Variants in ADAMTS17 observed in about 807,000 individuals in gnomAD.
ADAMTS17 encodes the protein A disintegrin and metalloproteinase with thrombospondin motifs 17.
In ADAMTS17, 113 loss-of-function variants were observed where a neutral mutation model predicts 141.5. The observed-to-expected ratio is 0.80, with a 90% confidence interval of 0.69 to 0.93. The LOEUF (loss-of-function observed/expected upper bound fraction) is 0.93, where lower values mean the gene tolerates loss of function less well. Among genes scored for constraint, ADAMTS17 ranks in the 40% least tolerant of loss-of-function variants. The pLI, the probability that ADAMTS17 is intolerant of heterozygous loss-of-function variation, is 0.00. For missense variants in ADAMTS17, 1,659 were observed against 1,517.9 expected (o/e 1.09, Z -1.54); for synonymous variants, 768 against 630.6 (o/e 1.22, Z -3.27).
intron 8 of ADAMTS17, among the ~76,000 whole-genome samples, chr15:100,166,296 C>G (rs904082885): frequency 4.6e-5 from 7 of 152,216 alleles, no homozygotes; most frequent in Admixed American, 6.5e-5. Flanking sequence ...TGATGAACAT[C>G]TACTGCTTCC....
intron 2 of ADAMTS17, among the ~76,000 whole-genome samples, chr15:100,333,543 C>T (rs1245938640): frequency 6.6e-6 from 1 of 152,218 alleles, no homozygotes; most frequent in Non-Finnish European, 1.5e-5. Flanking sequence ...TAGCTTTTCA[C>T]TGGGTGCTGG....
rs555175853 is a variant in ADAMTS17, at chr15:100,140,398, C to T, written c.1474-7083G>A. Among the ~76,000 whole-genome samples, 258 of 151,586 alleles carry T rather than the reference C, an allele frequency of 1.7e-3. 1 individual carries two copies. Among genetic ancestry groups the T allele is most frequent in the African/African-American group, 6.1e-3 (250 of 41,308 alleles). On this transcript the variant is annotated intron_variant, in intron 10 of 21. Transcript: ENST00000268070. Reference sequence around the variant, plus strand: ...CTTACAACAAAAAGTTAAAAAATAACACAATTTTTTAAAAATGACGGGACA... The same window carrying T: ...CTTACAACAAAAAGTTAAAAAATAATACAATTTTTTAAAAATGACGGGACA...
intron 10 of ADAMTS17, among the ~76,000 whole-genome samples, chr15:100,134,301 C>T (rs1267751003): frequency 6.6e-6 from 1 of 152,246 alleles, no homozygotes; most frequent in Non-Finnish European, 1.5e-5. Flanking sequence ...CACCCCCTCA[C>T]AGTGCTTCCT....
chr15:100,020,964 T>C (rs950204884), intron 18 of ADAMTS17, among the ~76,000 whole-genome samples: 17 of 152,178 alleles, frequency 1.1e-4, no homozygotes, highest in African/African-American at 3.9e-4. Context: ...AGCTTCGCTG[T>C]TCTCCCCTCC....
intron 18 of ADAMTS17, among the ~76,000 whole-genome samples, chr15:100,027,403 T>C (rs1446617306): frequency 2.0e-5 from 3 of 152,260 alleles, no homozygotes; most frequent in African/African-American, 7.2e-5. Context: ...CATCCTAAGA[T>C]GCTCACCATC....
chr15:100,225,507 TAC>T (rs1200365266), intron 7 of ADAMTS17, among the ~76,000 whole-genome samples: 138 of 151,412 alleles, frequency 9.1e-4, no homozygotes, highest in Non-Finnish European at 1.7e-3. Context: ...ATTCAGTCCT[TAC>T]AGCAGTCACG....
intron 4 of ADAMTS17, among the ~76,000 whole-genome samples, chr15:100,272,461 G>T (rs1195924812): frequency 6.6e-6 from 1 of 151,376 alleles, no homozygotes; most frequent in Non-Finnish European, 1.5e-5. Context: ...GCTGAAGACA[G>T]AACTGTTTTC....
chr15:100,254,083 A>T (rs982506761), intron 7 of ADAMTS17, 53 bp downstream of exon 7: 3 of 1,567,428 alleles, frequency 1.9e-6, no homozygotes, highest in Non-Finnish European at 2.6e-6. Context: ...AAGTCTCCAG[A>T]TTCTCCCAGG....
rs71151927 is a variant in ADAMTS17 at position 99,977,349 on chromosome 15, CATATATATATAT to C, written c.2950-1139_2950-1128del. On this transcript the variant is annotated intron_variant, in intron 20 of 21. Coordinates refer to ENST00000268070, the MANE Select transcript of ADAMTS17 (RefSeq NM_139057.4). ...GGTTCTGTTCTCCGTCCCTCCTCTT[CATATATATATAT>C]ATATATATATATATATATATATATA... is the stretch of plus-strand genomic sequence containing the variant. Among the ~76,000 whole-genome samples the C allele has an allele frequency of 4.5e-3, 136 of 30,326 alleles. 1 individual carries two copies. Among genetic ancestry groups the C allele is most frequent in the South Asian group, 0.016 (7 of 434 alleles). The allele number at this position is 30,326 out of a possible 152,430, so 19.9% of individuals were successfully genotyped here.
chr15:99,983,406 G>C lies in ADAMTS17; in HGVS notation c.2950-7184C>G, dbSNP rs559585338. 2.8e-4 allele frequency among the ~76,000 whole-genome samples: 42 copies of C among 151,178 alleles called. No homozygotes were observed. The South Asian group carries it at 7.4e-3, about 26-fold the overall frequency. ...GCTAGCCTGCCCCTGCCCCCCACCT[G>C]CCCGTACCACCCCCAACAGGGGAGG... is the stretch of plus-strand genomic sequence containing the variant. On this transcript the variant is annotated intron_variant, in intron 20 of 21. Transcript: ENST00000268070.
chr15:100,028,959 T>C (rs55727521), intron 18 of ADAMTS17, among the ~76,000 whole-genome samples: 19,840 of 152,268 alleles, frequency 0.13, 3,560 homozygotes, highest in African/African-American at 0.4. Context: ...CCACAAAAAG[T>C]TATCTTTGTC....
intron 6 of ADAMTS17, among the ~76,000 whole-genome samples, chr15:100,256,139 T>A (rs566480015): frequency 6.6e-6 from 1 of 152,164 alleles, no homozygotes; most frequent in South Asian, 2.1e-4. Context: ...TTTTAGGTCA[T>A]CCCACTGCCA....
At position 100,054,124 on chromosome 15, in the gene ADAMTS17, G is replaced by C; in HGVS notation, c.2138-70C>G. 4 of 1,584,600 alleles carry C rather than the reference G, an allele frequency of 2.5e-6. No homozygotes were observed. The South Asian group carries it at 3.3e-5, about 13-fold the overall frequency. ...GGGGGATCCAGCCTGTCTTTAAACG[G>C]AATCTACAGCCCCTGAGTGGGGCAG... On this transcript the variant is annotated intron_variant, in intron 15 of 21. Transcript: ENST00000268070.
intron 10 of ADAMTS17, among the ~76,000 whole-genome samples, chr15:100,135,104 A>G (rs1198086934): frequency 1.3e-5 from 2 of 152,174 alleles, no homozygotes; most frequent in African/African-American, 2.4e-5. Flanking sequence ...ATCAGGAGAA[A>G]GAGGAAGAAG....
Position 100,202,961 on chromosome 15 carries a change from A to C in ADAMTS17, c.1076-3538T>G, listed in dbSNP as rs74037552. On this transcript the variant is annotated intron_variant, in intron 7 of 21. Transcript: ENST00000268070. ...CCTTCTATGATTTAAAATTCTCCAC[A>C]GATCACAGAACTTATTTAAAAATTT... Among the ~76,000 whole-genome samples, 1,054 of 151,402 alleles carry C rather than the reference A, an allele frequency of 7.0e-3. 18 individuals are homozygous for C. Among genetic ancestry groups the C allele is most frequent in the African/African-American group, 0.023 (941 of 40,688 alleles).
At chr15:100,310,615 G>A (rs1056319265) in intron 3 of ADAMTS17, among the ~76,000 whole-genome samples, 5 of 152,186 alleles carry the variant, frequency 3.3e-5, no homozygotes, top group Admixed American at 6.5e-5. Context: ...AGATGTGAGC[G>A]AGACCTCTGT....
chr15:100,052,207 T>A (rs1027557263), intron 16 of ADAMTS17, among the ~76,000 whole-genome samples: 2 of 149,162 alleles, frequency 1.3e-5, no homozygotes, highest in African/African-American at 2.5e-5. Flanking sequence ...TCACTCCCCA[T>A]CATCAATCAC....
chr15:100,160,331 C>G (rs2039633070), intron 8 of ADAMTS17, among the ~76,000 whole-genome samples: 1 of 152,228 alleles, frequency 6.6e-6, no homozygotes, highest in Admixed American at 6.5e-5. Flanking sequence ...CTTGGACAAG[C>G]TGCTCCCATT....
chr15:100,268,311 T>C (rs1181392920), intron 4 of ADAMTS17, among the ~76,000 whole-genome samples: 3 of 152,212 alleles, frequency 2.0e-5, no homozygotes, highest in African/African-American at 2.4e-5. Flanking sequence ...TTTGGGTGTA[T>C]ACTCAGTAAT....
Sources: allele counts gnomAD v4.1 joint callset (sites outside exome capture counted in the v4.1 genomes callset), GRCh38; gene constraint gnomAD v4.1.1; transcripts MANE v1.5; gene names NCBI Gene and HGNC (gene_info 2026-07-23, HGNC 2026-07-21).